C12orf54: variants seen among roughly 807,000 people sequenced by gnomAD.
The protein encoded by C12orf54 is uncharacterized protein C12orf54.
In C12orf54, 24 loss-of-function variants were observed where a neutral mutation model predicts 26.4. That is an observed-to-expected ratio of 0.91 (90% CI 0.66 to 1.28). The LOEUF (loss-of-function observed/expected upper bound fraction) is 1.28. Among genes scored for constraint, C12orf54 ranks in the 50% most tolerant of loss-of-function variants. The pLI is 0.00. For synonymous variants in C12orf54, 54 were observed against 47.0 expected (o/e 1.15, Z -0.61); for missense variants, 154 against 150.9 (o/e 1.02, Z -0.11).
chr12:48,420,698 G>A, the C12orf54 span, among the ~76,000 whole-genome samples: 5 of 152,008 alleles, frequency 3.3e-5, no homozygotes, highest in African/African-American at 4.8e-5. Context: ...TGTGGTGGAC[G>A]TACTCCATTA....
At chr12:48,465,191 T>C in the C12orf54 span, among the ~76,000 whole-genome samples, 2 of 152,106 alleles carry the variant, frequency 1.3e-5, no homozygotes, top group African/African-American at 4.8e-5. Context: ...TAATGCAGTA[T>C]CTGTAAGGAA....
chr12:48,472,113 ATGGGGT>A, the C12orf54 span, among the ~76,000 whole-genome samples: 1 of 152,108 alleles, frequency 6.6e-6, no homozygotes, highest in Non-Finnish European at 1.5e-5. Flanking sequence ...GCTATTGTAA[ATGGGGT>A]TGTGTTCTTG....
the C12orf54 span, among the ~76,000 whole-genome samples, chr12:48,458,156 C>A: frequency 6.6e-6 from 1 of 152,206 alleles, no homozygotes; most frequent in Non-Finnish European, 1.5e-5. Context: ...GAGGCAGACA[C>A]CCTTGAGGCT....
At chr12:48,440,197 C>G in the C12orf54 span, among the ~76,000 whole-genome samples, 13 of 151,674 alleles carry the variant, frequency 8.6e-5, no homozygotes, top group Admixed American at 7.9e-4. Context: ...TGCACTCCAG[C>G]CTGGGTGACA....
chr12:48,493,390 C>G (rs1364866990), intron 7 of C12orf54, among the ~76,000 whole-genome samples: 1 of 152,114 alleles, frequency 6.6e-6, no homozygotes, highest in Non-Finnish European at 1.5e-5. Context: ...AATCCCAGTA[C>G]TTCTGGAGGC....
At chr12:48,417,741 C>T in the C12orf54 span, among the ~76,000 whole-genome samples, 1 of 152,194 alleles carries the variant, frequency 6.6e-6, no homozygotes, top group Non-Finnish European at 1.5e-5. Flanking sequence ...CTCCCTCCCT[C>T]TCCCTCTAGT....
At chr12:48,483,417 G>A in intron 2 of C12orf54, 56 bp downstream of exon 2, 1 of 1,538,840 alleles carries the variant, frequency 6.5e-7, no homozygotes, top group South Asian at 1.2e-5. Context: ...CTCTATGGGA[G>A]AAGAACCAGG....
Position 48,483,294 on chromosome 12 carries a change from C to T in C12orf54, c.-3C>T, listed in dbSNP as rs1436073869. 2.5e-6 allele frequency: 4 copies of T among 1,613,904 alleles called. No individual in the cohort carries two copies. Among genetic ancestry groups the T allele is most frequent in the South Asian group, 2.2e-5 (2 of 91,066 alleles). ...AGAGTCCTTGGTTTCTGTCTGAGAA[C>T]AAATGGCACAGCATCCCTGCCAGGA... On this transcript the variant is annotated 5_prime_UTR_variant, in exon 2 of 9. Coordinates refer to ENST00000548364, the MANE Select transcript of C12orf54 (RefSeq NM_152319.4).
chr12:48,449,840 CAACTT>C, the C12orf54 span, among the ~76,000 whole-genome samples: 9,667 of 152,108 alleles, frequency 0.064, 1,027 homozygotes, highest in African/African-American at 0.22. Context: ...ACCCAAATCT[CAACTT>C]GAATTGTATC....
the C12orf54 span, among the ~76,000 whole-genome samples, chr12:48,423,707 A>G: frequency 6.6e-6 from 1 of 152,056 alleles, no homozygotes; most frequent in Non-Finnish European, 1.5e-5. Context: ...AATATCTTGT[A>G]CTTTGTACCT....
intron 4 of C12orf54, chr12:48,488,603 C>T: frequency 5.0e-6 from 2 of 401,836 alleles, no homozygotes; most frequent in East Asian, 5.7e-5. Flanking sequence ...CTATGCTAAG[C>T]TTCAGAATAA....
chr12:48,488,899 T>C, intron 4 of C12orf54, 25 bp from the exon 5 acceptor site: 1 of 1,566,008 alleles, frequency 6.4e-7, no homozygotes, highest in Non-Finnish European at 8.8e-7. Flanking sequence ...AATATTATTT[T>C]TTCTATATTT....
the C12orf54 span, among the ~76,000 whole-genome samples, chr12:48,430,631 A>T: frequency 1.3e-5 from 2 of 152,198 alleles, no homozygotes; most frequent in African/African-American, 4.8e-5. Context: ...GGCCATAATT[A>T]AAAAAATAAA....
At chr12:48,469,368 G>C in the C12orf54 span, among the ~76,000 whole-genome samples, 1 of 152,098 alleles carries the variant, frequency 6.6e-6, no homozygotes, top group Non-Finnish European at 1.5e-5. Context: ...AGAATTCCGC[G>C]ATATTTCCTA....
chr12:48,461,539 A>G, the C12orf54 span, among the ~76,000 whole-genome samples: 6 of 151,932 alleles, frequency 3.9e-5, no homozygotes, highest in Admixed American at 6.6e-5. Context: ...AAAATATTTT[A>G]TCTGATTATT....
At chr12:48,438,141 C>T in the C12orf54 span, among the ~76,000 whole-genome samples, 1 of 152,184 alleles carries the variant, frequency 6.6e-6, no homozygotes, top group African/African-American at 2.4e-5. Context: ...CATGAGTGAA[C>T]TCCCATTCAC....
chr12:48,481,348 C>T (rs1303625357), upstream of C12orf54, among the ~76,000 whole-genome samples: 2 of 152,200 alleles, frequency 1.3e-5, no homozygotes, highest in Non-Finnish European at 2.9e-5. Context: ...GGAGCTTAGA[C>T]TCCTTATGGA....
At chr12:48,459,333 T>C in the C12orf54 span, among the ~76,000 whole-genome samples, 1 of 152,174 alleles carries the variant, frequency 6.6e-6, no homozygotes, top group Non-Finnish European at 1.5e-5. Context: ...AAGGTAAGTG[T>C]AGCTAAATAT....
the C12orf54 span, among the ~76,000 whole-genome samples, chr12:48,430,698 C>T: frequency 5.9e-5 from 9 of 152,140 alleles, no homozygotes; most frequent in South Asian, 4.2e-4. Context: ...ACACTGCTGG[C>T]GGGAATGTAA....
Sources: allele counts gnomAD v4.1 joint callset (sites outside exome capture counted in the v4.1 genomes callset), GRCh38; gene constraint gnomAD v4.1.1; transcripts MANE v1.5; gene names NCBI Gene and HGNC (gene_info 2026-07-23, HGNC 2026-07-21).